Variants in PLPPR1 observed in about 807,000 individuals in gnomAD.
PLPPR1 encodes the protein phospholipid phosphatase related 1, also known as phospholipid phosphatase-related protein type 1.
In PLPPR1, 10 loss-of-function variants were observed where a neutral mutation model predicts 33.1. The observed-to-expected ratio is 0.30, with a 90% CI of 0.19 to 0.51. PLPPR1 has a LOEUF of 0.51. Ranked by LOEUF, PLPPR1 falls within the 20% of genes least tolerant of loss-of-function variation. PLPPR1 has a pLI of 0.97. For missense variants in PLPPR1, 304 were observed against 408.1 expected (o/e 0.74, Z 2.20); for synonymous variants, 151 against 151.0 (o/e 1.00, Z 0.00).
At position 101,317,995 on chromosome 9, in the gene PLPPR1, G is replaced by A. The variant is rs564922787; in HGVS notation, c.945+499G>A. On this transcript the variant is annotated intron_variant, in intron 7 of 7. Transcript: ENST00000374874. ...TACAACAGAACCTTGCATCATACCA[G>A]GGATACAAAAAATAATTGATATAGT... is the stretch of plus-strand genomic sequence containing the variant. Among the ~76,000 whole-genome samples, 39 of 152,222 alleles carry A rather than the reference G, an allele frequency of 2.6e-4. No individual in the cohort carries two copies. The South Asian group carries it at 7.7e-3, about 30-fold the overall frequency.
chr9:101,312,936 G>A lies in PLPPR1; in HGVS notation c.775G>A (p.Ala259Thr). ...TCGGAACCACTGCTCGGACGTGATT[G>A]CTGGTTTCATCCTGGGCACTGCAGT... ...EYRNHCSDVI[A>T]GFILGTAVAL... Residue 259 changes from alanine to threonine, a missense_variant, in exon 6 of 8, where the codon GCT (alanine) becomes ACT (threonine). By Grantham distance (58) the Ala-to-Thr change is moderately conservative. Transcript: ENST00000374874. The A allele has an allele frequency of 6.2e-7, 1 of 1,614,134 alleles. No homozygotes were observed. Among genetic ancestry groups the A allele is most frequent in the Non-Finnish European group, 8.5e-7 (1 of 1,180,012 alleles).
At chr9:101,088,864 TACA>T (rs1458926133) in intron 1 of PLPPR1, among the ~76,000 whole-genome samples, 6 of 152,288 alleles carry the variant, frequency 3.9e-5, no homozygotes, top group Non-Finnish European at 7.4e-5. Context: ...ATAATGAAAT[TACA>T]ACATTAAATG....
chr9:101,249,679 T>A (rs766262473), intron 2 of PLPPR1, among the ~76,000 whole-genome samples: 4 of 152,128 alleles, frequency 2.6e-5, no homozygotes, highest in Non-Finnish European at 4.4e-5. Context: ...GATGGTCTAA[T>A]GTGTGTCATT....
intron 2 of PLPPR1, among the ~76,000 whole-genome samples, chr9:101,220,012 C>G (rs1826895428): frequency 6.6e-6 from 1 of 152,188 alleles, no homozygotes; most frequent in Non-Finnish European, 1.5e-5. Context: ...GAGCACTTCA[C>G]TGACATCAGT....
At chr9:101,144,408 A>G (rs1458898119) in intron 1 of PLPPR1, among the ~76,000 whole-genome samples, 4 of 152,174 alleles carry the variant, frequency 2.6e-5, no homozygotes, top group Admixed American at 2.0e-4. Flanking sequence ...AACTTAAAGT[A>G]TAATAATAAA....
chr9:101,267,389 C>T (rs1360098858), intron 2 of PLPPR1, among the ~76,000 whole-genome samples: 1 of 151,994 alleles, frequency 6.6e-6, no homozygotes, highest in Non-Finnish European at 1.5e-5. Context: ...ATAAATAAAC[C>T]AATTACTTCA....
chr9:101,089,535 T>C (rs1830718043), intron 1 of PLPPR1, among the ~76,000 whole-genome samples: 1 of 152,184 alleles, frequency 6.6e-6, no homozygotes, highest in African/African-American at 2.4e-5. Flanking sequence ...AGTACAAAGT[T>C]GGAATAATAT....
chr9:101,131,936 T>A (rs1831319013), intron 1 of PLPPR1, among the ~76,000 whole-genome samples: 1 of 152,230 alleles, frequency 6.6e-6, no homozygotes, highest in African/African-American at 2.4e-5. Context: ...GTCTGCCTCA[T>A]AGCATTGTTC....
At chr9:101,261,766 T>G (rs528148453) in intron 2 of PLPPR1, among the ~76,000 whole-genome samples, 40 of 152,288 alleles carry the variant, frequency 2.6e-4, no homozygotes, top group African/African-American at 9.1e-4. Flanking sequence ...AAATACTGCA[T>G]GTTCTGACTT....
intron 6 of PLPPR1, among the ~76,000 whole-genome samples, chr9:101,316,615 G>GAAAAAAAAAAAAAA (rs1829054260): frequency 4.4e-5 from 3 of 68,802 alleles, no homozygotes; most frequent in African/African-American, 2.6e-4. Flanking sequence ...TTCTTCTTGG[G>GAAAAAAAAAAAAAA]CAAAAAAAAA....
At chr9:101,287,413 G>A (rs1828412384) in intron 4 of PLPPR1, among the ~76,000 whole-genome samples, 2 of 152,182 alleles carry the variant, frequency 1.3e-5, no homozygotes. Flanking sequence ...AAGGGGAAAT[G>A]AGGAGAGAAG....
At chr9:101,292,467 G>C (rs111422108) in intron 4 of PLPPR1, among the ~76,000 whole-genome samples, 2 of 152,126 alleles carry the variant, frequency 1.3e-5, no homozygotes, top group African/African-American at 2.4e-5. Flanking sequence ...CTCGAGAAGA[G>C]CAACTCCAAG....
chr9:101,063,279 C>G (rs1830367961), intron 1 of PLPPR1, among the ~76,000 whole-genome samples: 1 of 151,952 alleles, frequency 6.6e-6, no homozygotes, highest in Non-Finnish European at 1.5e-5. Context: ...ATGGGGGCTG[C>G]CCCATGCAGT....
At position 101,204,097 on chromosome 9, in the gene PLPPR1, C is replaced by A. The variant is rs556983229; in HGVS notation, c.63+18540C>A. Among the ~76,000 whole-genome samples the A allele has an allele frequency of 2.6e-5, 4 of 152,224 alleles. No individual in the cohort carries two copies. In the East Asian group the frequency reaches 7.7e-4, roughly 29 times the overall value. On this transcript the variant is annotated intron_variant, in intron 2 of 7. Coordinates refer to ENST00000374874, the MANE Select transcript of PLPPR1 (RefSeq NM_207299.2). ...AGAATTATACCAGTATAAAAGGATT[C>A]CCTATCTTTTAGTGTTGCAGTTTAC...
chr9:101,316,076 A>G (rs1039780623), intron 6 of PLPPR1, among the ~76,000 whole-genome samples: 1 of 152,134 alleles, frequency 6.6e-6, no homozygotes, highest in Non-Finnish European at 1.5e-5. Flanking sequence ...GCAACCAATA[A>G]CCAGCAGAGG....
At chr9:101,144,412 TAATA>T (rs1831497102) in intron 1 of PLPPR1, among the ~76,000 whole-genome samples, 2 of 152,168 alleles carry the variant, frequency 1.3e-5, no homozygotes, top group African/African-American at 4.8e-5. Context: ...TAAAGTATAA[TAATA>T]AAGAAGTAAT....
intron 1 of PLPPR1, among the ~76,000 whole-genome samples, chr9:101,176,608 A>C (rs1826023026): frequency 6.6e-6 from 1 of 151,894 alleles, no homozygotes; most frequent in East Asian, 1.9e-4. Flanking sequence ...GGAGTGCTGG[A>C]CTCCACCTCT....
chr9:101,159,351 AAT>A (rs765713896), intron 1 of PLPPR1, among the ~76,000 whole-genome samples: 2 of 152,220 alleles, frequency 1.3e-5, no homozygotes, highest in Non-Finnish European at 2.9e-5. Context: ...AGGCTCTGGA[AAT>A]ATGTTTCCCT....
At chr9:101,076,529 A>G (rs1376092875) in intron 1 of PLPPR1, among the ~76,000 whole-genome samples, 1 of 152,212 alleles carries the variant, frequency 6.6e-6, no homozygotes, top group African/African-American at 2.4e-5. Context: ...AGATGTCTGT[A>G]CCTGAAAATG....
Sources: gnomAD v4.1 joint callset for allele counts (sites outside exome capture counted in the v4.1 genomes callset) on GRCh38, gnomAD v4.1.1 for gene constraint, MANE v1.5 for transcripts, NCBI Gene and HGNC (gene_info 2026-07-23, HGNC 2026-07-21) for gene names.